The following PLXNA2 variants were observed in gnomAD, a reference collection of about 807,000 sequenced individuals.
PLXNA2 encodes the protein plexin-A2.
Under a neutral mutation model 193.5 loss-of-function variants are expected in PLXNA2, and 91 were observed. The observed-to-expected ratio is 0.47, with a 90% confidence interval of 0.40 to 0.56. PLXNA2 has a LOEUF of 0.56. Ranked by LOEUF, PLXNA2 falls within the 20% of genes least tolerant of loss-of-function variation. The pLI is 0.00. For missense variants in PLXNA2, 1,995 were observed against 2,503.2 expected, an observed-to-expected ratio of 0.80 and a Z score of 4.33; for synonymous variants, 997 against 1,027.3, an observed-to-expected ratio of 0.97 and a Z score of 0.56.
At chr1:208,142,496 G>T (rs372795580) in intron 3 of PLXNA2, 33 bp from the exon 4 acceptor site, 23 of 1,569,262 alleles carry the variant, frequency 1.5e-5, no homozygotes, top group East Asian at 2.3e-5. Context: ...CTCAGCATCT[G>T]CCCTCAGTAT....
intron 3 of PLXNA2, among the ~76,000 whole-genome samples, chr1:208,173,134 T>A (rs949764699): frequency 2.0e-5 from 3 of 152,220 alleles, no homozygotes; most frequent in Non-Finnish European, 2.9e-5. Flanking sequence ...ATGCCCTCAT[T>A]TGTAAAATTT....
Position 208,217,991 on chromosome 1 carries a change from C to T in PLXNA2, c.-69G>A. On this transcript the variant is annotated 5_prime_UTR_variant, in exon 2 of 32. Transcript: ENST00000367033. The surrounding 1 kb of genome is among the most constrained non-coding windows in gnomAD (Gnocchi z 4.7). ...ATCTGCTCCACCTTCCCCGGTTGGC[C>T]CTCACATGATTCTGCAAAACACAAG... 1 of 1,569,614 alleles carries T rather than the reference C, an allele frequency of 6.4e-7. No individual in the cohort carries two copies. Among genetic ancestry groups the T allele is most frequent in the Non-Finnish European group, 8.6e-7 (1 of 1,164,744 alleles).
At chr1:208,156,677 T>C (rs1668949032) in intron 3 of PLXNA2, among the ~76,000 whole-genome samples, 1 of 152,252 alleles carries the variant, frequency 6.6e-6, no homozygotes, top group African/African-American at 2.4e-5. Flanking sequence ...GTCATTTTAA[T>C]GCTCTTATTC....
intron 4 of PLXNA2, among the ~76,000 whole-genome samples, chr1:208,131,125 G>A (rs2102466045): frequency 6.6e-6 from 1 of 152,222 alleles, no homozygotes; most frequent in Non-Finnish European, 1.5e-5. Flanking sequence ...CCAGAGCCCT[G>A]GCCCACATAC....
intron 2 of PLXNA2, 66 bp downstream of exon 2, chr1:208,216,669 G>T: frequency 6.5e-7 from 1 of 1,532,626 alleles, no homozygotes; most frequent in Non-Finnish European, 8.8e-7. Flanking sequence ...GTGCCCCAGG[G>T]CATGGACAGG....
intron 6 of PLXNA2, 131 bp from the exon 7 acceptor site, chr1:208,097,014 T>C (rs1666920963): frequency 1.4e-6 from 1 of 729,370 alleles, no homozygotes; most frequent in Non-Finnish European, 2.2e-6. Flanking sequence ...GATGTTGGTC[T>C]AAGTGGTCTT....
intron 3 of PLXNA2, among the ~76,000 whole-genome samples, chr1:208,144,209 G>A (rs775094341): frequency 6.6e-6 from 1 of 152,190 alleles, no homozygotes; most frequent in African/African-American, 2.4e-5. Context: ...CATCCCAAGT[G>A]CCAAGTTCAA....
rs369496516 is a variant in PLXNA2, at chr1:208,214,908, C to T, written c.1188+1827G>A. Among the ~76,000 whole-genome samples, 3 of 152,152 alleles carry T rather than the reference C, an allele frequency of 2.0e-5. No individual in the cohort carries two copies. In the South Asian group the frequency reaches 6.2e-4, roughly 32 times the overall value. ...CTGGCTTTTGTCTCAGAACCTCAAACTCTGAGCCACTACATTATGTTGCCA... is the reference window on the plus strand; with the variant it reads ...CTGGCTTTTGTCTCAGAACCTCAAATTCTGAGCCACTACATTATGTTGCCA... On this transcript the variant is annotated intron_variant, in intron 2 of 31. Coordinates refer to ENST00000367033, the MANE Select transcript of PLXNA2 (RefSeq NM_025179.4).
At chr1:208,220,087 A>C (rs907213333) in intron 1 of PLXNA2, among the ~76,000 whole-genome samples, 1 of 152,098 alleles carries the variant, frequency 6.6e-6, no homozygotes, top group African/African-American at 2.4e-5. Context: ...TTCCAGGTGG[A>C]GAGTGGTTCC....
At chr1:208,060,632 C>T in intron 13 of PLXNA2, 54 bp downstream of exon 13, 1 of 1,517,780 alleles carries the variant, frequency 6.6e-7, no homozygotes, top group Non-Finnish European at 9.0e-7. Context: ...GGGAGAGTCT[C>T]CAGTCTCCAC....
At chr1:208,234,204 C>T (rs768189569) in intron 1 of PLXNA2, among the ~76,000 whole-genome samples, 1 of 152,154 alleles carries the variant, frequency 6.6e-6, no homozygotes, top group Non-Finnish European at 1.5e-5. Context: ...CTGTGTGACT[C>T]AGGGCAATAC....
intron 12 of PLXNA2, among the ~76,000 whole-genome samples, chr1:208,067,344 CAAA>C (rs35720470): frequency 1.0e-4 from 12 of 116,288 alleles, no homozygotes; most frequent in Admixed American, 1.0e-3. Flanking sequence ...AACTCCGTCT[CAAA>C]AAAAAAAAAA....
At chr1:208,085,321 C>T (rs985028633) in intron 9 of PLXNA2, among the ~76,000 whole-genome samples, 4 of 152,294 alleles carry the variant, frequency 2.6e-5, no homozygotes, top group South Asian at 2.1e-4. Context: ...CTTCTCTCCT[C>T]GGGCAGATGA....
chr1:208,059,771 G>A (rs550933414), intron 13 of PLXNA2, among the ~76,000 whole-genome samples: 1 of 152,316 alleles, frequency 6.6e-6, no homozygotes, highest in East Asian at 1.9e-4. Flanking sequence ...AAATGAGATA[G>A]TGGATGAGAA....
intron 4 of PLXNA2, among the ~76,000 whole-genome samples, chr1:208,116,909 G>A (rs763801330): frequency 7.9e-5 from 12 of 152,188 alleles, no homozygotes; most frequent in Admixed American, 3.3e-4. Flanking sequence ...AGGTGCTTAT[G>A]CCTGTAATCC....
chr1:208,138,660 G>A (rs1668374514), intron 4 of PLXNA2, among the ~76,000 whole-genome samples: 2 of 152,220 alleles, frequency 1.3e-5, no homozygotes, highest in African/African-American at 2.4e-5. Flanking sequence ...CGAGGTGGAC[G>A]GATCCCTTGA....
intron 4 of PLXNA2, among the ~76,000 whole-genome samples, chr1:208,114,153 A>C (rs376055348): frequency 6.6e-6 from 1 of 152,210 alleles, no homozygotes; most frequent in East Asian, 1.9e-4. Flanking sequence ...AGTCCCTGGC[A>C]CTGCCTCCCA....
At chr1:208,076,139 T>C (rs919903754) in intron 12 of PLXNA2, among the ~76,000 whole-genome samples, 1 of 151,554 alleles carries the variant, frequency 6.6e-6, no homozygotes, top group African/African-American at 2.4e-5. Flanking sequence ...ATGATCATAG[T>C]TCACTGTAGC....
intron 3 of PLXNA2, among the ~76,000 whole-genome samples, chr1:208,156,950 C>T (rs1383306358): frequency 3.9e-5 from 6 of 152,176 alleles, no homozygotes; most frequent in Non-Finnish European, 8.8e-5. Flanking sequence ...AAGAATAACA[C>T]ATCGAATGCT....
Sources: gnomAD v4.1 joint callset for allele counts (sites outside exome capture counted in the v4.1 genomes callset) on GRCh38, gnomAD v4.1.1 for gene constraint, Gnocchi (gnomAD v3.1) non-coding constraint, MANE v1.5 for transcripts, NCBI Gene and HGNC (gene_info 2026-07-23, HGNC 2026-07-21) for gene names.